Variants in FAM193A observed in about 807,000 individuals in gnomAD.
FAM193A encodes the protein protein FAM193A.
Under a neutral mutation model 126.5 loss-of-function variants are expected in FAM193A, and 22 were observed. The ratio of observed to expected loss-of-function variants is 0.17; its 90% CI spans 0.12 to 0.25. The LOEUF (loss-of-function observed/expected upper bound fraction) is 0.25, where lower values mean the gene tolerates loss of function less well. FAM193A is among the 10% of genes least tolerant of loss of function. The probability of loss-of-function intolerance (pLI) is 1.00; values close to 1 mark genes in which losing one functional copy is unlikely to be tolerated. For synonymous variants in FAM193A, 761 were observed against 646.8 expected (o/e 1.18, Z -2.68); for missense variants, 1,675 against 1,672.8 (o/e 1.00, Z -0.02).
chr4:2,635,119 G>A (rs762576118), intron 5 of FAM193A, among the ~76,000 whole-genome samples: 3 of 152,236 alleles, frequency 2.0e-5, no homozygotes, highest in South Asian at 2.1e-4. Context: ...GAAGACTGAC[G>A]GTAATAGTAA....
At chr4:2,681,992 T>A (rs538012055) in intron 13 of FAM193A, among the ~76,000 whole-genome samples, 1 of 146,742 alleles carries the variant, frequency 6.8e-6, no homozygotes, top group South Asian at 2.1e-4. Context: ...TTTTGGTTTT[T>A]TTTTTTTTTT....
At chr4:2,656,443 TA>T (rs1711695479) in intron 7 of FAM193A, among the ~76,000 whole-genome samples, 1 of 152,202 alleles carries the variant, frequency 6.6e-6, no homozygotes, top group Admixed American at 6.5e-5. Flanking sequence ...TAAAGGGTTG[TA>T]AACTCACACC....
chr4:2,593,528 TG>T (rs1380389563), intron 1 of FAM193A, among the ~76,000 whole-genome samples: 3 of 152,236 alleles, frequency 2.0e-5, no homozygotes, highest in Non-Finnish European at 4.4e-5. Context: ...AATTTTTTCA[TG>T]TATTTGTCTT....
rs371069458 is a variant in FAM193A, at chr4:2,603,680, C to T, written c.501+7351C>T. 1.1e-4 allele frequency among the ~76,000 whole-genome samples: 17 copies of T among 151,694 alleles called. 2 individuals are homozygous for T. The highest frequency in any genetic ancestry group is 9.7e-4 in the East Asian group (5 of 5,158). Reference sequence around the variant, plus strand: ...TTCACCATGTTAGCCAGGATGGCCTCGATCTCCTGACCTCGTGATCTGCCC... The same window carrying T: ...TTCACCATGTTAGCCAGGATGGCCTTGATCTCCTGACCTCGTGATCTGCCC... On this transcript the variant is annotated intron_variant, in intron 2 of 20. Coordinates refer to ENST00000637812, the MANE Select transcript of FAM193A (RefSeq NM_001366318.2).
At chr4:2,579,560 A>G (rs1003428864) in intron 1 of FAM193A, among the ~76,000 whole-genome samples, 5 of 152,070 alleles carry the variant, frequency 3.3e-5, no homozygotes, top group African/African-American at 7.2e-5. Context: ...TTAGCCAGAC[A>G]TAATGGCACT....
chr4:2,706,295 T>C (rs11933659), intron 19 of FAM193A, among the ~76,000 whole-genome samples: 31,088 of 126,058 alleles, frequency 0.25, 3,319 homozygotes, highest in Middle Eastern at 0.38. Flanking sequence ...TTCTTTCTTT[T>C]TTTTTTTTTT....
intron 13 of FAM193A, among the ~76,000 whole-genome samples, chr4:2,686,756 G>A (rs1715784282): frequency 6.6e-6 from 1 of 152,148 alleles, no homozygotes; most frequent in Non-Finnish European, 1.5e-5. Context: ...TGGTTTACCA[G>A]CTGGGCCGGC....
chr4:2,556,923 A>G (rs1411325889), intron 1 of FAM193A, among the ~76,000 whole-genome samples: 1 of 152,200 alleles, frequency 6.6e-6, no homozygotes, highest in Non-Finnish European at 1.5e-5. Flanking sequence ...ATTTTTAAAA[A>G]TAAACTTTTT....
At position 2,672,136 on chromosome 4, in the gene FAM193A, A is replaced by C. The variant is rs913132426; in HGVS notation, c.2095A>C (p.Asn699His). ...TTCCTCTTAGGCTGAACAAGCTCCA[A>C]ACACTTGTGAATGTCATGTTTGTAA... ...YPTQQAEQAPNTCECHVCKQE... is the reference protein window; with the variant it reads ...YPTQQAEQAPHTCECHVCKQE... The change falls in exon 13 of 21, where the codon AAC (asparagine) becomes CAC (histidine). Residue 699 changes from asparagine to histidine, a missense_variant. By Grantham distance (68) the Asn-to-His change is moderately conservative. Coordinates refer to ENST00000637812, the MANE Select transcript of FAM193A (RefSeq NM_001366318.2). 6.2e-7 allele frequency: 1 copy of C among 1,614,190 alleles called. No homozygotes were observed. The highest frequency in any genetic ancestry group is 8.5e-7 in the Non-Finnish European group (1 of 1,180,026).
At chr4:2,536,404 C>T (rs909181003), upstream of FAM193A, among the ~76,000 whole-genome samples, 3 of 151,950 alleles carry the variant, frequency 2.0e-5, no homozygotes, top group Admixed American at 2.0e-4. Flanking sequence ...GGCCCTCGGC[C>T]TCGCAAGGCC....
At chr4:2,543,824 C>A (rs1250282644) in intron 1 of FAM193A, among the ~76,000 whole-genome samples, 1 of 124,568 alleles carries the variant, frequency 8.0e-6, no homozygotes, top group Non-Finnish European at 1.6e-5. Context: ...GAGCAGAGAT[C>A]ACACCATTGC....
chr4:2,659,820 G>T lies in FAM193A; in HGVS notation c.1511G>T (p.Cys504Phe). The part of the protein sequence containing the change: ...PNCNYRRRCA[C>F]DDCSLSHILT... ...CCTTAATTCCTGATCAGATGTGCTTGCGATGACTGCAGTCTCTCACACATC... is the reference window on the plus strand; with the variant it reads ...CCTTAATTCCTGATCAGATGTGCTTTCGATGACTGCAGTCTCTCACACATC... Residue 504 changes from cysteine to phenylalanine, a missense_variant, in exon 10 of 21, where the codon TGC becomes TTC. Physicochemically the swap from Cys to Phe is radical, Grantham distance 205. Around this residue, in one of 4 missense-constraint regions of FAM193A, gnomAD observed 1,186 missense variants for 1,109.2 expected, o/e 1.07. Coordinates refer to ENST00000637812, the MANE Select transcript of FAM193A (RefSeq NM_001366318.2). 1 of 1,614,168 alleles carries T rather than the reference G, an allele frequency of 6.2e-7. No homozygotes were observed.
intron 2 of FAM193A, among the ~76,000 whole-genome samples, chr4:2,598,345 G>T (rs911897087): frequency 2.0e-5 from 3 of 152,156 alleles, no homozygotes; most frequent in African/African-American, 7.2e-5. Context: ...ACCAATTTAT[G>T]CATTCACCAA....
chr4:2,576,949 G>C (rs751294632), intron 1 of FAM193A, among the ~76,000 whole-genome samples: 3 of 152,198 alleles, frequency 2.0e-5, no homozygotes, highest in Non-Finnish European at 4.4e-5. Context: ...AGTCTTTGTA[G>C]TTTAGAGCCA....
intron 6 of FAM193A, among the ~76,000 whole-genome samples, chr4:2,646,063 A>G (rs1745106468): frequency 6.7e-6 from 1 of 149,690 alleles, no homozygotes; most frequent in Non-Finnish European, 1.5e-5. Context: ...TTGCAATTCC[A>G]TATTTGGTAA....
intron 1 of FAM193A, among the ~76,000 whole-genome samples, chr4:2,567,599 A>T (rs1315278785): frequency 6.6e-6 from 1 of 152,076 alleles, no homozygotes; most frequent in Non-Finnish European, 1.5e-5. Context: ...TGAGAAGATG[A>T]TTTTATTTTC....
chr4:2,683,364 G>A (rs1715376379), intron 13 of FAM193A, among the ~76,000 whole-genome samples: 2 of 151,184 alleles, frequency 1.3e-5, no homozygotes, highest in African/African-American at 2.4e-5. Context: ...GCGCCATCTC[G>A]GCTCTCTGTA....
chr4:2,538,601 G>T (rs1560426574), intron 1 of FAM193A, among the ~76,000 whole-genome samples: 1 of 131,934 alleles, frequency 7.6e-6, no homozygotes, highest in Non-Finnish European at 1.6e-5. Flanking sequence ...ACAGGCCGCA[G>T]TTCTTGGGAT....
At chr4:2,723,798 T>TTTTG (rs920476633) in intron 20 of FAM193A, among the ~76,000 whole-genome samples, 22 of 86,400 alleles carry the variant, frequency 2.5e-4, no homozygotes, top group African/African-American at 7.5e-4. Context: ...TTTCTGGGTT[T>TTTTG]TTTGTTTGTT....
Sources: gnomAD v4.1 joint callset for allele counts (sites outside exome capture counted in the v4.1 genomes callset) on GRCh38, gnomAD v4.1.1 for gene constraint, gnomAD v4.1.1 regional missense constraint, MANE v1.5 for transcripts, NCBI Gene and HGNC (gene_info 2026-07-23, HGNC 2026-07-21) for gene names.